The following STEEP1 variants were observed in gnomAD, a reference collection of about 807,000 sequenced individuals.
STEEP1 encodes STING1 ER exit protein 1, also known as STING ER exit protein.
A neutral mutation model predicts 19.2 loss-of-function variants in STEEP1; 3 were observed. The ratio of observed to expected loss-of-function variants is 0.16; its 90% CI spans 0.07 to 0.40. The LOEUF (loss-of-function observed/expected upper bound fraction) is 0.40. STEEP1 is among the 10% of genes least tolerant of loss of function. STEEP1 has a pLI of 0.99. For synonymous variants in STEEP1, 46 were observed against 63.7 expected, an observed-to-expected ratio of 0.72 and a Z score of 1.32; for missense variants, 54 against 177.1, an observed-to-expected ratio of 0.30 and a Z score of 3.94.
intron 4 of STEEP1, 22 bp from the exon 5 acceptor site, chrX:119,542,616 A>T: frequency 8.8e-7 from 1 of 1,134,400 alleles, no homozygotes; most frequent in South Asian, 1.8e-5. Context: ...GGCAAGAAGA[A>T]GTCAGTCCGG....
chrX:119,538,334 T>C lies in STEEP1; in HGVS notation c.*1393A>G, dbSNP rs1438093953. 9.0e-6 allele frequency: 1 copy of C among 111,173 alleles called. No homozygotes were observed. The highest frequency in any genetic ancestry group is 2.8e-4 in the East Asian group (1 of 3,564). The allele number at this position is 111,173 out of a possible 1,213,427, so 9.2% of individuals were successfully genotyped here. On this transcript the variant is annotated 3_prime_UTR_variant, in exon 7 of 7. Transcript: ENST00000644802. Reference sequence around the variant, plus strand: ...TTTTGTTTATCTTGCTATCATTTCTTAATCTATAACGTCTCCCTCCCATGT... The same window carrying C: ...TTTTGTTTATCTTGCTATCATTTCTCAATCTATAACGTCTCCCTCCCATGT...
intron 4 of STEEP1, among the ~76,000 whole-genome samples, chrX:119,542,997 C>CAAAAAAAAA (rs60574433): frequency 5.1e-3 from 244 of 47,885 alleles, no homozygotes; most frequent in Middle Eastern, 0.014. Flanking sequence ...CTGGGTCTCG[C>CAAAAAAAAA]AAAAAAAAAA....
At chrX:119,564,505 G>GA (rs1435635530) in intron 1 of STEEP1, among the ~76,000 whole-genome samples, 1 of 96,810 alleles carries the variant, frequency 1.0e-5, no homozygotes, top group Non-Finnish European at 2.0e-5. Context: ...GAAAAAAAAG[G>GA]GGGGGGGGAA....
At position 119,538,989 on chromosome X, in the gene STEEP1, T is replaced by C. The variant is rs1237048469; in HGVS notation, c.*738A>G. On this transcript the variant is annotated 3_prime_UTR_variant, in exon 7 of 7. Transcript: ENST00000644802. ...AGAGACAGAGTCACTTCAAAGGATC[T>C]GACTTGCTATACCTAAATATAATTC... is the stretch of plus-strand genomic sequence containing the variant. 1 of 111,824 alleles carries C rather than the reference T, an allele frequency of 8.9e-6. No homozygotes were observed. Among genetic ancestry groups the C allele is most frequent in the Non-Finnish European group, 1.9e-5 (1 of 53,207 alleles). The allele number at this position is 111,824 out of a possible 1,213,427, so 9.2% of individuals were successfully genotyped here. A position where few individuals can be genotyped will look rare whatever the true frequency, so the allele number is the denominator to read the frequency against.
At chrX:119,562,124 C>T (rs1046855080) in intron 1 of STEEP1, among the ~76,000 whole-genome samples, 3 of 112,333 alleles carry the variant, frequency 2.7e-5, no homozygotes, top group Non-Finnish European at 3.8e-5. Context: ...TGGCCGGGCA[C>T]GGTGGCTCAC....
At chrX:119,544,631 A>G in intron 3 of STEEP1, 140 bp from the exon 4 acceptor site, 1 of 564,411 alleles carries the variant, frequency 1.8e-6, no homozygotes, top group Non-Finnish European at 2.8e-6. Context: ...GTCTCCCAAA[A>G]CTACCTCTAC....
rs998231550 is a variant in STEEP1 at position 119,564,506 on chromosome X, G to GC, written c.124+725_124+726insG. On this transcript the variant is annotated intron_variant, in intron 1 of 6. Transcript: ENST00000644802. ...GTGAGACTCCATCTGAAAAAAAAGGGGGGGGGGAAATACGAGGTAGGAGGA... is the reference window on the plus strand; with the variant it reads ...GTGAGACTCCATCTGAAAAAAAAGGGCGGGGGGGAAATACGAGGTAGGAGGA... 1.2e-4 allele frequency among the ~76,000 whole-genome samples: 12 copies of GC among 99,443 alleles called. No homozygotes were observed. The East Asian group carries it at 1.9e-3, about 15-fold the overall frequency. 86.4% of individuals were successfully genotyped at this position (99,443 alleles called of 115,157 possible). A position where few individuals can be genotyped will look rare whatever the true frequency, so the allele number is the denominator to read the frequency against.
intron 1 of STEEP1, among the ~76,000 whole-genome samples, chrX:119,561,081 G>A (rs1052948872): frequency 9.1e-6 from 1 of 109,598 alleles, no homozygotes; most frequent in Admixed American, 9.8e-5. Flanking sequence ...AGGTCAAGAC[G>A]AGCAGATCAC....
rs184911502 is a variant in STEEP1 at position 119,549,790 on chromosome X, T to C, written c.243-4286A>G. Among the ~76,000 whole-genome samples the C allele has an allele frequency of 2.7e-3, 304 of 112,225 alleles. 2 individuals are homozygous for C. Among genetic ancestry groups the C allele is most frequent in the Non-Finnish European group, 4.8e-3 (258 of 53,287 alleles). On this transcript the variant is annotated intron_variant, in intron 2 of 6. Coordinates refer to ENST00000644802, the MANE Select transcript of STEEP1 (RefSeq NM_022101.4). ...CCTACTCACATGACAGCAACGTTAA[T>C]CCATGCATAAGAGCAGAGCCTCATT...
intron 1 of STEEP1, among the ~76,000 whole-genome samples, chrX:119,563,841 A>AT (rs1237029508): frequency 8.9e-6 from 1 of 112,330 alleles, no homozygotes; most frequent in Non-Finnish European, 1.9e-5. Context: ...GTCAAGACTG[A>AT]TTCCAGGTTT....
At chrX:119,544,536 T>C (rs2053187791) in intron 3 of STEEP1, 45 bp from the exon 4 acceptor site, 1 of 1,167,270 alleles carries the variant, frequency 8.6e-7, no homozygotes, top group Non-Finnish European at 1.2e-6. Context: ...TAATCCAAAT[T>C]CCCAAAACAG....
chrX:119,546,086 A>G (rs2053202720), intron 2 of STEEP1, among the ~76,000 whole-genome samples: 1 of 110,237 alleles, frequency 9.1e-6, no homozygotes, highest in Non-Finnish European at 1.9e-5. Context: ...AACAACAACA[A>G]TAATAGCGGC....
At chrX:119,560,569 T>C (rs1359791232) in intron 1 of STEEP1, among the ~76,000 whole-genome samples, 184 bp from the exon 2 acceptor site, 2 of 112,338 alleles carry the variant, frequency 1.8e-5, no homozygotes, top group African/African-American at 6.5e-5. Flanking sequence ...TCAGGAGACC[T>C]TGGTATTTGG....
chrX:119,556,407 C>A (rs1230532356), intron 2 of STEEP1, among the ~76,000 whole-genome samples: 1 of 109,843 alleles, frequency 9.1e-6, no homozygotes, highest in Non-Finnish European at 1.9e-5. Flanking sequence ...CACAGTGAAA[C>A]CCCGTCTCTA....
Position 119,544,344 on chromosome X carries a change from G to A in STEEP1, c.423+9C>T. 1 of 1,202,361 alleles carries A rather than the reference G, an allele frequency of 8.3e-7. No homozygotes were observed. Among genetic ancestry groups the A allele is most frequent in the South Asian group, 1.8e-5 (1 of 56,478 alleles). Reference sequence around the variant, plus strand: ...TATATTAAGCAGTCTCTCCTTCAATGGTAATTACCTTCTTAGGAGGCTCTT... The same window carrying A: ...TATATTAAGCAGTCTCTCCTTCAATAGTAATTACCTTCTTAGGAGGCTCTT... On this transcript the variant is annotated intron_variant, in intron 4 of 6. Transcript: ENST00000644802.
At chrX:119,565,161 A>G in intron 1 of STEEP1, 71 bp downstream of exon 1, 10 of 1,138,757 alleles carry the variant, frequency 8.8e-6, no homozygotes, top group Non-Finnish European at 1.2e-5. Flanking sequence ...GATCACAGCC[A>G]GAGGAAATTC....
At chrX:119,549,834 A>G (rs1253711067) in intron 2 of STEEP1, among the ~76,000 whole-genome samples, 1 of 112,285 alleles carries the variant, frequency 8.9e-6, no homozygotes, top group Non-Finnish European at 1.9e-5. Flanking sequence ...CATAGGGCAG[A>G]CAGATTGTTT....
chrX:119,555,367 G>C (rs1302561879), intron 2 of STEEP1, among the ~76,000 whole-genome samples: 1 of 110,726 alleles, frequency 9.0e-6, no homozygotes, highest in African/African-American at 3.3e-5. Context: ...ACTCCACAAT[G>C]ATCCCTAAAT....
chrX:119,551,235 C>T (rs969699525), intron 2 of STEEP1, among the ~76,000 whole-genome samples: 1 of 110,541 alleles, frequency 9.0e-6, no homozygotes, highest in Non-Finnish European at 1.9e-5. Flanking sequence ...AATCCCAGCA[C>T]TCTGGGAGGC....
Sources: allele counts gnomAD v4.1 joint callset (sites outside exome capture counted in the v4.1 genomes callset), GRCh38; gene constraint gnomAD v4.1.1; transcripts MANE v1.5; gene names NCBI Gene and HGNC (gene_info 2026-07-23, HGNC 2026-07-21).